LIPN: variants seen among roughly 807,000 people sequenced by gnomAD.
LIPN encodes the protein lipase member N.
Under a neutral mutation model 43.7 loss-of-function variants are expected in LIPN, and 32 were observed. That is an observed-to-expected ratio of 0.73 (90% CI 0.55 to 0.98). The LOEUF (loss-of-function observed/expected upper bound fraction) is 0.98, where lower values mean the gene tolerates loss of function less well. Among genes scored for constraint, LIPN ranks in the 50% least tolerant of loss-of-function variants. The pLI is 0.00. For missense variants in LIPN, 505 were observed against 483.8 expected (o/e 1.04, Z -0.41); for synonymous variants, 156 against 157.6 (o/e 0.99, Z 0.08).
At chr10:88,776,952 C>A (rs1481788059) in intron 9 of LIPN, among the ~76,000 whole-genome samples, 1 of 151,974 alleles carries the variant, frequency 6.6e-6, no homozygotes, top group East Asian at 1.9e-4. Context: ...TTATGAAAAA[C>A]AAGCAAGACC....
At chr10:88,758,148 C>T (rs1842949463), upstream of LIPN, among the ~76,000 whole-genome samples, 1 of 151,950 alleles carries the variant, frequency 6.6e-6, no homozygotes, top group African/African-American at 2.4e-5. Flanking sequence ...TTGAATAGGA[C>T]ATTGGAAGAA....
chr10:88,768,618 G>A (rs764572682), intron 5 of LIPN, among the ~76,000 whole-genome samples, 174 bp from the exon 6 acceptor site: 1 of 151,882 alleles, frequency 6.6e-6, no homozygotes, highest in Non-Finnish European at 1.5e-5. Flanking sequence ...GGAGACTTGA[G>A]AGCAGAGAAG....
At chr10:88,771,017 T>G (rs773170351) in intron 7 of LIPN, 26 bp downstream of exon 7, 20 of 1,526,274 alleles carry the variant, frequency 1.3e-5, no homozygotes, top group Non-Finnish European at 1.8e-5. Context: ...ATAGGGCCAT[T>G]TGATACCTTA....
At chr10:88,775,291 A>T (rs1181329727) in intron 9 of LIPN, 128 bp downstream of exon 9, 10 of 415,686 alleles carry the variant, frequency 2.4e-5, no homozygotes, top group Admixed American at 1.4e-4. Context: ...TTTTAAAAAA[A>T]TTTTAATTTT....
chr10:88,766,641 G>T (rs1011196726), intron 5 of LIPN, among the ~76,000 whole-genome samples: 4 of 151,868 alleles, frequency 2.6e-5, no homozygotes, highest in African/African-American at 4.8e-5. Context: ...AATAACATGT[G>T]TTCCAAATTC....
intron 2 of LIPN, 114 bp from the exon 3 acceptor site, chr10:88,762,074 G>T: frequency 3.9e-6 from 2 of 512,930 alleles, no homozygotes; most frequent in Non-Finnish European, 7.0e-6. Context: ...CAGTTACCTG[G>T]TGCTACAAAT....
At position 88,761,509 on chromosome 10, in the gene LIPN, A is replaced by G; in HGVS notation, c.104A>G (p.Asn35Ser). 6.2e-7 allele frequency: 1 copy of G among 1,603,238 alleles called. No homozygotes were observed. Among genetic ancestry groups the G allele is most frequent in the Non-Finnish European group, 8.5e-7 (1 of 1,170,796 alleles). The change falls in exon 2 of 10, where the codon AAT becomes AGT. Residue 35 changes from asparagine (N) to serine (S), a missense_variant. Coordinates refer to ENST00000404459, the MANE Select transcript of LIPN (RefSeq NM_001102469.2). The stretch of plus-strand genomic sequence containing the variant: ...GAAGTGAATCCTGAGGTGTGGATGA[A>G]TACTGTAAGTCATGGAAAACTGTGA... ...ENEVNPEVWM[N>S]TSEIIIYNGY...
At chr10:88,767,851 T>G (rs1843133532) in intron 5 of LIPN, among the ~76,000 whole-genome samples, 1 of 151,800 alleles carries the variant, frequency 6.6e-6, no homozygotes, top group South Asian at 2.1e-4. Context: ...AACAGGGCTC[T>G]GCAGTCAGCG....
intron 7 of LIPN, among the ~76,000 whole-genome samples, chr10:88,772,034 C>T (rs1313539901): frequency 2.0e-5 from 3 of 151,594 alleles, no homozygotes; most frequent in Admixed American, 2.0e-4. Flanking sequence ...TTTTAATGTA[C>T]CTCTTGGCTA....
At chr10:88,761,763 G>T (rs443591) in intron 2 of LIPN, among the ~76,000 whole-genome samples, 1 of 51,254 alleles carries the variant, frequency 2.0e-5, no homozygotes, top group Non-Finnish European at 3.6e-5. Flanking sequence ...ATCTATCTAT[G>T]TATCTATCTA....
chr10:88,762,345 C>A (rs2134826876), intron 3 of LIPN, 40 bp downstream of exon 3: 1 of 1,223,664 alleles, frequency 8.2e-7, no homozygotes, highest in Non-Finnish European at 1.2e-6. Flanking sequence ...ACTGCATTGA[C>A]CTCCTGCTTC....
At chr10:88,761,068 C>G (rs1842988125) in intron 1 of LIPN, among the ~76,000 whole-genome samples, 1 of 152,056 alleles carries the variant, frequency 6.6e-6, no homozygotes, top group African/African-American at 2.4e-5. Flanking sequence ...AAAACCTGTC[C>G]TCTGAATCTT....
chr10:88,767,682 A>C (rs1344179516), intron 5 of LIPN, among the ~76,000 whole-genome samples: 4 of 96,872 alleles, frequency 4.1e-5, no homozygotes, highest in African/African-American at 1.6e-4. Context: ...AAAAAAAAAA[A>C]AAAAAAAAAA....
Position 88,766,282 on chromosome 10 carries a change from G to A in LIPN, c.439G>A (p.Ala147Thr). The stretch of plus-strand genomic sequence containing the variant: ...TTTATTTTGCAGTTTTGATGAAATG[G>A]CCAAATATGATCTCCCAGGAGTAAT... ...KFWAFSFDEM[A>T]KYDLPGVIDF... is the part of the protein sequence containing the mutation. The change falls in exon 5 of 10, where the codon GCC (alanine) becomes ACC (threonine). Residue 147 changes from alanine to threonine, a missense_variant. Ala to Thr is a moderately conservative substitution (Grantham distance 58). Transcript: ENST00000404459. 4 of 1,593,658 alleles carry A rather than the reference G, an allele frequency of 2.5e-6. No individual in the cohort carries two copies. The highest frequency in any genetic ancestry group is 3.4e-6 in the Non-Finnish European group (4 of 1,164,690).
intron 8 of LIPN, among the ~76,000 whole-genome samples, chr10:88,774,747 A>T (rs1444007283): frequency 1.3e-5 from 2 of 151,384 alleles, no homozygotes; most frequent in African/African-American, 4.9e-5. Flanking sequence ...GACATAAATG[A>T]ACACCACCTT....
intron 9 of LIPN, 97 bp downstream of exon 9, chr10:88,775,260 A>G (rs546778533): frequency 1.5e-6 from 1 of 656,264 alleles, no homozygotes; most frequent in Non-Finnish European, 2.4e-6. Context: ...ATTTGGTGGC[A>G]TTTATACTGA....
chr10:88,766,429 CAG>C lies in LIPN; in HGVS notation c.535+54_535+55del, dbSNP rs142725503. The C allele has an allele frequency of 5.2e-4, 534 of 1,019,818 alleles. 2 individuals are homozygous for C. In the African/African-American group the frequency reaches 8.0e-3, roughly 15 times the overall value. The allele number at this position is 1,019,818 out of a possible 1,614,324, so 63.2% of individuals were successfully genotyped here. A position where few individuals can be genotyped will look rare whatever the true frequency, so the allele number is the denominator to read the frequency against. On this transcript the variant is annotated intron_variant, in intron 5 of 9. Coordinates refer to ENST00000404459, the MANE Select transcript of LIPN (RefSeq NM_001102469.2). ...GTGTGTTTTTGAGGGTCAGTTTTCT[CAG>C]AGTCTTACAGGAGTTCACCTTTATG...
chr10:88,768,013 A>C (rs1163045586), intron 5 of LIPN, among the ~76,000 whole-genome samples: 1 of 104,358 alleles, frequency 9.6e-6, no homozygotes, highest in East Asian at 2.9e-4. Flanking sequence ...CAAGTGTTTC[A>C]GTACACACAC....
At position 88,762,217 on chromosome 10, in the gene LIPN, CAGTG is replaced by C. The variant is rs1564578751; in HGVS notation, c.140_143del (p.Ser47LysfsTer60). The C allele has an allele frequency of 6.2e-7, 1 of 1,606,660 alleles. No homozygotes were observed. The highest frequency in any genetic ancestry group is 8.5e-7 in the Non-Finnish European group (1 of 1,175,524). On this transcript the variant is annotated frameshift_variant, in exon 3 of 10. Coordinates refer to ENST00000404459, the MANE Select transcript of LIPN (RefSeq NM_001102469.2). LOFTEE classifies it high-confidence loss of function. ...AAATCATCATCTACAATGGCTACCC[CAGTG>C]AAGAGTATGAAGTCACCACTGAAGA...
Sources: allele counts gnomAD v4.1 joint callset (sites outside exome capture counted in the v4.1 genomes callset), GRCh38; gene constraint gnomAD v4.1.1; transcripts MANE v1.5; gene names NCBI Gene and HGNC (gene_info 2026-07-23, HGNC 2026-07-21).